CFAP57: variants seen among roughly 807,000 people sequenced by gnomAD.
CFAP57 encodes the protein cilia- and flagella-associated protein 57.
CFAP57 carries 116 observed loss-of-function variants against 146.8 expected under a neutral mutation model. The observed-to-expected ratio is 0.79, with a 90% CI of 0.68 to 0.92. The LOEUF is 0.92. CFAP57 is among the 40% of genes least tolerant of loss of function. The probability of loss-of-function intolerance (pLI) is 0.00; values close to 1 mark genes in which losing one functional copy is unlikely to be tolerated. For synonymous variants in CFAP57, 518 were observed against 552.8 expected (o/e 0.94, Z 0.88); for missense variants, 1,377 against 1,527.2 (o/e 0.90, Z 1.64).
In CFAP57 at chr1:43,220,779, G is replaced by A. The variant is rs576363161; in HGVS notation, c.2248-593G>A. 4.2e-5 allele frequency among the ~76,000 whole-genome samples: 6 copies of A among 143,638 alleles called. No homozygotes were observed. In the South Asian group the frequency reaches 1.2e-3, roughly 28 times the overall value. The allele number at this position is 143,638 out of a possible 152,430, so 94.2% of individuals were successfully genotyped here. A position where few individuals can be genotyped will look rare whatever the true frequency, so the allele number is the denominator to read the frequency against. On this transcript the variant is annotated intron_variant, in intron 13 of 22. Coordinates refer to ENST00000372492, the MANE Select transcript of CFAP57 (RefSeq NM_001378189.1). The stretch of plus-strand genomic sequence containing the variant: ...CTTGAGGGATATTTGTTTCTTTAAT[G>A]TCTATGGGTCATAAAGTTCGGCTAA...
At chr1:43,198,691 G>A in intron 8 of CFAP57, 45 bp downstream of exon 8, 1 of 1,605,340 alleles carries the variant, frequency 6.2e-7, no homozygotes, top group African/African-American at 1.3e-5. Flanking sequence ...TTCTTAGAAA[G>A]CCACGGCTGA....
intron 18 of CFAP57, among the ~76,000 whole-genome samples, chr1:43,231,755 C>T (rs867420382): frequency 6.6e-6 from 1 of 151,654 alleles, no homozygotes. Context: ...GTAATCCCAG[C>T]TACTCGGGAG....
chr1:43,213,511 G>A (rs949035041), intron 11 of CFAP57, among the ~76,000 whole-genome samples: 126 of 92,302 alleles, frequency 1.4e-3, no homozygotes, highest in Middle Eastern at 5.7e-3. Context: ...TATGGGGGGG[G>A]CGGTGGAGCG....
Position 43,236,402 on chromosome 1 carries a change from A to G in CFAP57, c.3405+1764A>G, listed in dbSNP as rs186945219. Reference sequence around the variant, plus strand: ...AAAAGTTTTCAAAACCACTGTGCCGACCCTGGTTTACCCTGCTCCACCACT... The same window carrying G: ...AAAAGTTTTCAAAACCACTGTGCCGGCCCTGGTTTACCCTGCTCCACCACT... On this transcript the variant is annotated intron_variant, in intron 21 of 22. Coordinates refer to ENST00000372492, the MANE Select transcript of CFAP57 (RefSeq NM_001378189.1). Among the ~76,000 whole-genome samples, 396 of 151,854 alleles carry G rather than the reference A, an allele frequency of 2.6e-3. 2 individuals are homozygous for G. The highest frequency in any genetic ancestry group is 0.014 in the South Asian group (67 of 4,798).
intron 9 of CFAP57, among the ~76,000 whole-genome samples, chr1:43,202,184 A>T (rs922209688): frequency 1.3e-5 from 2 of 152,240 alleles, no homozygotes; most frequent in Non-Finnish European, 2.9e-5. Context: ...AGGGAAATGT[A>T]TAACCTTAAA....
Position 43,181,862 on chromosome 1 carries a change from T to TG in CFAP57, c.474+13dup. On this transcript the variant is annotated intron_variant, in intron 3 of 22. Coordinates refer to ENST00000372492, the MANE Select transcript of CFAP57 (RefSeq NM_001378189.1). ...ACCCTGTCTACCAGGTACCTAGTAG[T>TG]GTGACAAGTATCGTGAAAATTATAA... 1 of 1,612,834 alleles carries TG rather than the reference T, an allele frequency of 6.2e-7. No homozygotes were observed. The highest frequency in any genetic ancestry group is 1.3e-5 in the African/African-American group (1 of 75,024).
intron 22 of CFAP57, among the ~76,000 whole-genome samples, chr1:43,248,723 A>T (rs1476915757): frequency 6.6e-6 from 1 of 152,182 alleles, no homozygotes; most frequent in Non-Finnish European, 1.5e-5. Context: ...CCCATTTCAT[A>T]TACAGAATTA....
At chr1:43,191,961 T>G (rs1040220730) in intron 6 of CFAP57, among the ~76,000 whole-genome samples, 4 of 152,142 alleles carry the variant, frequency 2.6e-5, no homozygotes. Flanking sequence ...ATCTCAAATA[T>G]TTTGGAATTT....
intron 2 of CFAP57, among the ~76,000 whole-genome samples, chr1:43,177,438 G>A (rs1166413941): frequency 1.3e-5 from 2 of 152,138 alleles, no homozygotes; most frequent in Non-Finnish European, 2.9e-5. Context: ...AGATTGATGT[G>A]CCTGCTAGAT....
Position 43,197,794 on chromosome 1 carries a change from G to C in CFAP57, c.1262+102G>C. On this transcript the variant is annotated intron_variant, in intron 7 of 22. Transcript: ENST00000372492. The stretch of plus-strand genomic sequence containing the variant: ...TGTTCCAAACTTTAATTATTTAGAA[G>C]CTTTCAGTTGGAAAAGATTTTTAAA... The C allele has an allele frequency of 3.4e-6, 5 of 1,489,074 alleles. No individual in the cohort carries two copies. The South Asian group carries it at 5.9e-5, about 18-fold the overall frequency. 92.2% of individuals were successfully genotyped at this position (1,489,074 alleles called of 1,614,324 possible). A position where few individuals can be genotyped will look rare whatever the true frequency, so the allele number is the denominator to read the frequency against.
intron 18 of CFAP57, 61 bp from the exon 19 acceptor site, chr1:43,232,447 C>T (rs1645510574): frequency 1.4e-6 from 2 of 1,426,126 alleles, no homozygotes; most frequent in Non-Finnish European, 1.9e-6. Flanking sequence ...CTACAGTTCT[C>T]AAATACAGTT....
rs1222010700 is a variant in CFAP57, at chr1:43,196,227, G to A, written c.1123-1326G>A. 2.0e-5 allele frequency among the ~76,000 whole-genome samples: 3 copies of A among 152,344 alleles called. No individual in the cohort carries two copies. In the South Asian group the frequency reaches 6.2e-4, roughly 32 times the overall value. On this transcript the variant is annotated intron_variant, in intron 6 of 22. Transcript: ENST00000372492. ...ATCATTGCATGACTCCTCAGGCAGA[G>A]GGGGAAGAGAGAGCATTGCTTTTGT...
chr1:43,186,896 C>G, intron 6 of CFAP57, 37 bp downstream of exon 6: 1 of 1,613,216 alleles, frequency 6.2e-7, no homozygotes, highest in South Asian at 1.1e-5. Context: ...CAGACCAGGA[C>G]CTATCTGCCT....
intron 11 of CFAP57, among the ~76,000 whole-genome samples, chr1:43,214,961 G>T (rs562418192): frequency 8.5e-5 from 13 of 152,178 alleles, no homozygotes; most frequent in Non-Finnish European, 1.0e-4. Flanking sequence ...TCTACTTTCT[G>T]ATTGGATTGT....
In CFAP57 at chr1:43,234,010, A is replaced by G. The variant is rs571639918; in HGVS notation, c.3127-269A>G. 3.3e-5 allele frequency among the ~76,000 whole-genome samples: 5 copies of G among 152,114 alleles called. No individual in the cohort carries two copies. The East Asian group carries it at 7.7e-4, about 24-fold the overall frequency. On this transcript the variant is annotated intron_variant, in intron 19 of 22. Transcript: ENST00000372492. ...GGAATCAGAGTCAATAAAGGAGCCC[A>G]TCTGTGTGGCCTCTTAAGGATGAAG... is the stretch of plus-strand genomic sequence containing the variant.
At chr1:43,214,362 G>C (rs761344017) in intron 11 of CFAP57, among the ~76,000 whole-genome samples, 7 of 152,150 alleles carry the variant, frequency 4.6e-5, no homozygotes, top group Non-Finnish European at 1.0e-4. Flanking sequence ...CTGTGCAGAA[G>C]CTTTTTAGCT....
intron 9 of CFAP57, among the ~76,000 whole-genome samples, chr1:43,200,546 A>G (rs1644075496): frequency 6.6e-6 from 1 of 152,014 alleles, no homozygotes; most frequent in Non-Finnish European, 1.5e-5. Flanking sequence ...AAGTAAAATC[A>G]CTAGGTCCTA....
At chr1:43,234,443 C>T (rs1366648554) in intron 20 of CFAP57, 30 bp downstream of exon 20, 1 of 1,543,734 alleles carries the variant, frequency 6.5e-7, no homozygotes, top group Non-Finnish European at 8.7e-7. Flanking sequence ...CTGCCATGCA[C>T]TGACCTCCGG....
chr1:43,175,345 TACAG>T (rs1325840091), intron 2 of CFAP57, among the ~76,000 whole-genome samples: 1 of 151,894 alleles, frequency 6.6e-6, no homozygotes, highest in Admixed American at 6.6e-5. Context: ...TACATATAGA[TACAG>T]ACACACACAT....
Sources: gnomAD v4.1 joint callset for allele counts (sites outside exome capture counted in the v4.1 genomes callset) on GRCh38, gnomAD v4.1.1 for gene constraint, MANE v1.5 for transcripts, NCBI Gene and HGNC (gene_info 2026-07-23, HGNC 2026-07-21) for gene names.